Variants in KCNH7 observed in about 807,000 individuals in gnomAD.
The protein encoded by KCNH7 is potassium voltage-gated channel subfamily H member 7.
In KCNH7, 49 loss-of-function variants were observed where a neutral mutation model predicts 120.8. The ratio of observed to expected loss-of-function variants is 0.41; its 90% CI spans 0.32 to 0.51. The LOEUF is 0.51. KCNH7 is among the 20% of genes least tolerant of loss of function. The pLI is 0.38. For missense variants in KCNH7, 1,097 were observed against 1,446.6 expected (o/e 0.76, Z 3.92); for synonymous variants, 547 against 516.1 (o/e 1.06, Z -0.81).
intron 8 of KCNH7, among the ~76,000 whole-genome samples, chr2:162,428,108 A>T (rs1242628497): frequency 6.6e-6 from 1 of 151,626 alleles, no homozygotes; most frequent in Non-Finnish European, 1.5e-5. Flanking sequence ...TTGATTTTAG[A>T]TCTCCTTTTT....
intron 2 of KCNH7, among the ~76,000 whole-genome samples, chr2:162,558,795 A>G (rs1692950804): frequency 6.6e-6 from 1 of 151,630 alleles, no homozygotes; most frequent in South Asian, 2.1e-4. Context: ...AAAAGACAAT[A>G]TGGTCACGCC....
At chr2:162,835,120 C>A (rs1002752752) in intron 2 of KCNH7, among the ~76,000 whole-genome samples, 13 of 152,022 alleles carry the variant, frequency 8.6e-5, no homozygotes, top group Non-Finnish European at 1.0e-4. Flanking sequence ...TAGGCTATTT[C>A]TAGTATGCCA....
chr2:162,625,182 C>T (rs541679058), intron 2 of KCNH7, among the ~76,000 whole-genome samples: 2 of 152,044 alleles, frequency 1.3e-5, no homozygotes, highest in African/African-American at 4.8e-5. Flanking sequence ...CAGGCATGAG[C>T]CACCATGCCA....
chr2:162,680,921 C>T lies in KCNH7; in HGVS notation c.308-143841G>A, dbSNP rs181854204. Among the ~76,000 whole-genome samples, 1,252 of 151,826 alleles carry T rather than the reference C, an allele frequency of 8.2e-3. 10 individuals carry two copies. Among genetic ancestry groups the T allele is most frequent in the Non-Finnish European group, 0.015 (1,002 of 67,790 alleles). Reference sequence around the variant, plus strand: ...TTTAGCTTCAGGTTACAGAGTAGAGCATGACTGAGGGTTATCATGCTAATG... The same window carrying T: ...TTTAGCTTCAGGTTACAGAGTAGAGTATGACTGAGGGTTATCATGCTAATG... On this transcript the variant is annotated intron_variant, in intron 2 of 15. Coordinates refer to ENST00000332142, the MANE Select transcript of KCNH7 (RefSeq NM_033272.4).
chr2:162,799,949 TACAC>T (rs3052920), intron 2 of KCNH7, among the ~76,000 whole-genome samples: 24 of 146,420 alleles, frequency 1.6e-4, no homozygotes, highest in African/African-American at 4.7e-4. Flanking sequence ...TTTACACACA[TACAC>T]ACACACACAC....
At chr2:162,406,845 C>T (rs1260599884) in intron 9 of KCNH7, among the ~76,000 whole-genome samples, 1 of 151,866 alleles carries the variant, frequency 6.6e-6, no homozygotes. Context: ...ATTTCTAGGT[C>T]GTTTAAGATC....
rs866803532 is a variant in KCNH7, at chr2:162,470,752, C to G, written c.1129-24309G>C. 3.3e-4 allele frequency among the ~76,000 whole-genome samples: 50 copies of G among 152,298 alleles called. 1 individual carries two copies. The highest frequency in any genetic ancestry group is 1.1e-3 in the African/African-American group (45 of 41,564). On this transcript the variant is annotated intron_variant, in intron 6 of 15. Coordinates refer to ENST00000332142, the MANE Select transcript of KCNH7 (RefSeq NM_033272.4). ...CACCCCGTCTGGGAGGTGTACCCAACGGCTCATTGAGAACAGGCCATGATG... is the reference window on the plus strand; with the variant it reads ...CACCCCGTCTGGGAGGTGTACCCAAGGGCTCATTGAGAACAGGCCATGATG...
At chr2:162,802,850 A>C (rs1323676172) in intron 2 of KCNH7, among the ~76,000 whole-genome samples, 1 of 151,808 alleles carries the variant, frequency 6.6e-6, no homozygotes, top group Non-Finnish European at 1.5e-5. Context: ...AATAATTTTT[A>C]ACACAAACAT....
intron 9 of KCNH7, among the ~76,000 whole-genome samples, chr2:162,415,079 C>T (rs1687500702): frequency 6.6e-6 from 1 of 151,922 alleles, no homozygotes; most frequent in Non-Finnish European, 1.5e-5. Context: ...AATGCTATTT[C>T]TGTAAACCAA....
intron 14 of KCNH7, among the ~76,000 whole-genome samples, chr2:162,376,703 A>G (rs376930117): frequency 2.6e-5 from 4 of 152,018 alleles, no homozygotes; most frequent in African/African-American, 9.7e-5. Flanking sequence ...CATTACTGGG[A>G]GCTTTTTAGA....
chr2:162,701,723 G>C (rs1261068835), intron 2 of KCNH7, among the ~76,000 whole-genome samples: 1 of 152,092 alleles, frequency 6.6e-6, no homozygotes, highest in African/African-American at 2.4e-5. Context: ...CAAATTCTAT[G>C]TTGGGCTGGG....
chr2:162,738,245 T>C (rs1055698738), intron 2 of KCNH7, among the ~76,000 whole-genome samples: 1 of 152,104 alleles, frequency 6.6e-6, no homozygotes, highest in African/African-American at 2.4e-5. Context: ...TGTGTGTATG[T>C]ATATACACAT....
chr2:162,617,173 T>C (rs896579742), intron 2 of KCNH7, among the ~76,000 whole-genome samples: 1 of 152,126 alleles, frequency 6.6e-6, no homozygotes, highest in Non-Finnish European at 1.5e-5. Context: ...AGGTTATCAG[T>C]TGGCTGCAAG....
chr2:162,577,327 A>ATCTATCTG (rs1277845307), intron 2 of KCNH7, among the ~76,000 whole-genome samples: 1 of 137,338 alleles, frequency 7.3e-6, no homozygotes, highest in Non-Finnish European at 1.6e-5. Context: ...CTATCTATCT[A>ATCTATCTG]TCTGTCTATC....
intron 2 of KCNH7, among the ~76,000 whole-genome samples, chr2:162,721,041 C>T (rs13390307): frequency 0.21 from 32,082 of 151,992 alleles, 4,730 homozygotes; most frequent in East Asian, 0.42. Flanking sequence ...ACTAACGCTA[C>T]GACTCATTTC....
chr2:162,499,568 A>G (rs1690608319), intron 6 of KCNH7, among the ~76,000 whole-genome samples: 1 of 152,174 alleles, frequency 6.6e-6, no homozygotes. Flanking sequence ...TGCATTCCAG[A>G]AGACCAATAA....
chr2:162,414,837 G>A (rs1216782794), intron 9 of KCNH7, among the ~76,000 whole-genome samples: 1 of 151,956 alleles, frequency 6.6e-6, no homozygotes. Flanking sequence ...GTGTATATGA[G>A]AAGGCAAATA....
chr2:162,470,239 C>T (rs1213144726), intron 6 of KCNH7, among the ~76,000 whole-genome samples: 2 of 150,494 alleles, frequency 1.3e-5, no homozygotes, highest in African/African-American at 2.5e-5. Flanking sequence ...TCTGCCCGGC[C>T]GCCATCCCAT....
chr2:162,814,358 C>A (rs926577684), intron 2 of KCNH7, among the ~76,000 whole-genome samples: 1 of 152,126 alleles, frequency 6.6e-6, no homozygotes, highest in East Asian at 1.9e-4. Context: ...TCAATTGACT[C>A]AAGGATGGAA....
Sources: allele counts gnomAD v4.1 joint callset (sites outside exome capture counted in the v4.1 genomes callset), GRCh38; gene constraint gnomAD v4.1.1; transcripts MANE v1.5; gene names NCBI Gene and HGNC (gene_info 2026-07-23, HGNC 2026-07-21).